Variants in LRIG2 observed in about 807,000 individuals in gnomAD.
LRIG2 encodes the protein leucine rich repeats and immunoglobulin like domains 2.
A neutral mutation model predicts 107.8 loss-of-function variants in LRIG2; 93 were observed. The ratio of observed to expected loss-of-function variants is 0.86; its 90% CI spans 0.73 to 1.03. The LOEUF (loss-of-function observed/expected upper bound fraction) is 1.03. Among genes scored for constraint, LRIG2 ranks in the 50% least tolerant of loss-of-function variants. The pLI, the probability that LRIG2 is intolerant of heterozygous loss-of-function variation, is 0.00. For missense variants in LRIG2, 1,226 were observed against 1,296.0 expected (o/e 0.95, Z 0.83); for synonymous variants, 471 against 470.6 (o/e 1.00, Z -0.01).
intron 1 of LRIG2, among the ~76,000 whole-genome samples, chr1:113,074,531 A>G (rs1192323069): frequency 6.6e-6 from 1 of 152,196 alleles, no homozygotes; most frequent in Non-Finnish European, 1.5e-5. Context: ...GGGGCTTCTT[A>G]ACCACTAACA....
chr1:113,116,824 G>A (rs1655037963), intron 16 of LRIG2, among the ~76,000 whole-genome samples: 1 of 152,106 alleles, frequency 6.6e-6, no homozygotes, highest in Admixed American at 6.6e-5. Context: ...AGTTTAAAGG[G>A]TAGCTAGGAG....
At chr1:113,096,386 T>C in intron 8 of LRIG2, 21 bp downstream of exon 8, 1 of 1,599,312 alleles carries the variant, frequency 6.3e-7, no homozygotes, top group Non-Finnish European at 8.5e-7. Context: ...CCATTCTCCT[T>C]TTTGGTTGTT....
intron 1 of LRIG2, among the ~76,000 whole-genome samples, chr1:113,080,110 TC>T (rs1653195269): frequency 7.6e-6 from 1 of 131,932 alleles, no homozygotes; most frequent in South Asian, 2.5e-4. Context: ...AACCTCCGCC[TC>T]CCAGGTTCAA....
intron 1 of LRIG2, among the ~76,000 whole-genome samples, chr1:113,088,260 G>T (rs1653645128): frequency 6.6e-6 from 1 of 152,072 alleles, no homozygotes; most frequent in African/African-American, 2.4e-5. Flanking sequence ...CGGTACAGAG[G>T]CTGCAAAGCA....
chr1:113,110,024 C>T lies in LRIG2; in HGVS notation c.1478-218C>T, dbSNP rs1187401978. Among the ~76,000 whole-genome samples, 4 of 152,284 alleles carry T rather than the reference C, an allele frequency of 2.6e-5. No homozygotes were observed. In the East Asian group the frequency reaches 5.8e-4, roughly 22 times the overall value. On this transcript the variant is annotated intron_variant, in intron 12 of 17. Transcript: ENST00000361127. ...AACCTGAGTTCCAATCCAGGCTCTGCCACTGACTGACATGTCTTTGAGCAA... is the reference window on the plus strand; with the variant it reads ...AACCTGAGTTCCAATCCAGGCTCTGTCACTGACTGACATGTCTTTGAGCAA...
intron 17 of LRIG2, among the ~76,000 whole-genome samples, chr1:113,122,524 G>C (rs748596399): frequency 6.6e-6 from 1 of 152,188 alleles, no homozygotes; most frequent in Admixed American, 6.5e-5. Context: ...TTTTACTGTT[G>C]GATGTCTTAG....
chr1:113,102,203 A>T (rs1016383801), intron 11 of LRIG2, among the ~76,000 whole-genome samples: 5 of 152,090 alleles, frequency 3.3e-5, no homozygotes, highest in African/African-American at 7.2e-5. Context: ...AATATCTACA[A>T]TTTTTTTGAT....
At chr1:113,087,007 G>C (rs1431082305) in intron 1 of LRIG2, among the ~76,000 whole-genome samples, 1 of 152,180 alleles carries the variant, frequency 6.6e-6, no homozygotes, top group African/African-American at 2.4e-5. Context: ...AGCTGGGCTT[G>C]GTGGCATTTG....
At chr1:113,116,891 C>T (rs1655041127) in intron 16 of LRIG2, among the ~76,000 whole-genome samples, 1 of 152,178 alleles carries the variant, frequency 6.6e-6, no homozygotes, top group Non-Finnish European at 1.5e-5. Flanking sequence ...AGCAGGATTA[C>T]TTGAGGCCAG....
intron 14 of LRIG2, among the ~76,000 whole-genome samples, chr1:113,113,232 T>C (rs1243061051): frequency 6.7e-6 from 1 of 148,780 alleles, no homozygotes; most frequent in East Asian, 2.0e-4. Context: ...AAAAAAGATG[T>C]GTTTTCTGGT....
intron 17 of LRIG2, among the ~76,000 whole-genome samples, chr1:113,121,950 A>C (rs1655275015): frequency 6.6e-6 from 1 of 152,118 alleles, no homozygotes; most frequent in African/African-American, 2.4e-5. Context: ...AGGGCACATG[A>C]AACTCTTCAG....
chr1:113,116,310 A>T lies in LRIG2; in HGVS notation c.2554A>T (p.Ile852Phe), dbSNP rs188573455. Residue 852 changes from isoleucine to phenylalanine, a missense_variant, in exon 16 of 18, where the codon ATT becomes TTT. Transcript: ENST00000361127. ...AGAGGAGCTCAATCTGCCTGCAGACATTCCCAGCTACTTGTCTTCCCAAGG... is the reference window on the plus strand; with the variant it reads ...AGAGGAGCTCAATCTGCCTGCAGACTTTCCCAGCTACTTGTCTTCCCAAGG... The part of the protein sequence containing the change: ...NTEELNLPAD[I>F]PSYLSSQGTL... 1.8e-4 allele frequency: 290 copies of T among 1,613,800 alleles called. No homozygotes were observed. Among genetic ancestry groups the T allele is most frequent in the Admixed American group, 8.0e-4 (48 of 59,996 alleles).
chr1:113,098,669 ACTAATAG>A, intron 8 of LRIG2, 29 bp from the exon 9 acceptor site: 1 of 1,274,800 alleles, frequency 7.8e-7, no homozygotes, highest in Non-Finnish European at 1.1e-6. Flanking sequence ...GGTTGTATTG[ACTAATAG>A]CACCTGTCTT....
intron 1 of LRIG2, among the ~76,000 whole-genome samples, chr1:113,077,955 A>G (rs781467666): frequency 7.5e-6 from 1 of 132,568 alleles, no homozygotes; most frequent in African/African-American, 2.9e-5. Flanking sequence ...CTCATTGTTC[A>G]TTTCCCACCT....
rs1553232627 is a variant in LRIG2 at position 113,129,320 on chromosome 1, A to AAAAAC, written c.*5223_*5224insCAAAA. 11 of 151,464 alleles carry AAAAAC rather than the reference A, an allele frequency of 7.3e-5. 1 individual carries two copies. The highest frequency in any genetic ancestry group is 6.3e-4 in the South Asian group (3 of 4,754). 9.4% of individuals were successfully genotyped at this position (151,464 alleles called of 1,614,324 possible). ...GTGAGACTCCGTCTCAAAAAAAAAA[A>AAAAAC]AAAAAAAACCCGTGTAGGAGTACTG... On this transcript the variant is annotated 3_prime_UTR_variant, in exon 18 of 18. Transcript: ENST00000361127.
In LRIG2 at chr1:113,119,529, G is replaced by A; in HGVS notation, c.2971+6G>A. The A allele has an allele frequency of 1.9e-6, 3 of 1,610,324 alleles. No individual in the cohort carries two copies. The highest frequency in any genetic ancestry group is 2.5e-6 in the Non-Finnish European group (3 of 1,178,172). ...CTCCACACAGATGAGCGGTGGTAAG[G>A]GATGTATTTTTGTTGTTATTTTGTT... On this transcript the variant is annotated splice_donor_region_variant and intron_variant, in intron 17 of 17. Transcript: ENST00000361127.
At chr1:113,107,060 C>T (rs889988568) in intron 11 of LRIG2, among the ~76,000 whole-genome samples, 5 of 152,124 alleles carry the variant, frequency 3.3e-5, no homozygotes, top group Admixed American at 3.3e-4. Flanking sequence ...CTCTTGCTCT[C>T]TCTCCACATA....
intron 1 of LRIG2, among the ~76,000 whole-genome samples, chr1:113,080,129 T>TC (rs979357994): frequency 6.9e-6 from 1 of 145,322 alleles, no homozygotes; most frequent in African/African-American, 2.6e-5. Flanking sequence ...CAAGCGATTC[T>TC]CCTGCCTCAG....
Position 113,128,163 on chromosome 1 carries a change from C to CTAAG in LRIG2, c.*4064_*4067dup, listed in dbSNP as rs1411043406. 6.7e-6 allele frequency: 1 copy of CTAAG among 149,912 alleles called. No homozygotes were observed. Among genetic ancestry groups the CTAAG allele is most frequent in the African/African-American group, 2.4e-5 (1 of 41,136 alleles). The allele number at this position is 149,912 out of a possible 1,614,324, so 9.3% of individuals were successfully genotyped here. Reference sequence around the variant, plus strand: ...CATTTATTCATACTTATTTTCAATCCTAAGTGTTCTCCCATGGGCAGCAGC... The same window carrying CTAAG: ...CATTTATTCATACTTATTTTCAATCCTAAGTAAGTGTTCTCCCATGGGCAGCAGC... On this transcript the variant is annotated 3_prime_UTR_variant, in exon 18 of 18. Transcript: ENST00000361127.
Sources: allele counts gnomAD v4.1 joint callset (sites outside exome capture counted in the v4.1 genomes callset), GRCh38; gene constraint gnomAD v4.1.1; transcripts MANE v1.5; gene names NCBI Gene and HGNC (gene_info 2026-07-23, HGNC 2026-07-21).